EXD1: variants seen among roughly 807,000 people sequenced by gnomAD.
EXD1 encodes the protein exonuclease 3'-5' domain containing 1, also known as piRNA biogenesis protein EXD1.
In EXD1, 63 loss-of-function variants were observed where a neutral mutation model predicts 49.1. That is an observed-to-expected ratio of 1.28 (90% confidence interval 1.05 to 1.58). The LOEUF (loss-of-function observed/expected upper bound fraction) is 1.58. EXD1 is among the 40% of genes most tolerant of loss of function. EXD1 has a pLI of 0.00. For synonymous variants in EXD1, 234 were observed against 239.2 expected (o/e 0.98, Z 0.20); for missense variants, 748 against 666.0 (o/e 1.12, Z -1.36).
chr15:41,211,794 T>C (rs987053437), intron 6 of EXD1, among the ~76,000 whole-genome samples: 21 of 108,934 alleles, frequency 1.9e-4, no homozygotes. Context: ...ACCTCATTTC[T>C]TAAAAAAAAA....
chr15:41,190,502 GAA>G lies in EXD1; in HGVS notation c.865-376_865-375del, dbSNP rs2046496487. 8 of 283,626 alleles carry G rather than the reference GAA, an allele frequency of 2.8e-5. 1 individual carries two copies. In the South Asian group the frequency reaches 3.0e-4, roughly 11 times the overall value. 17.6% of individuals were successfully genotyped at this position (283,626 alleles called of 1,614,324 possible). Reference sequence around the variant, plus strand: ...CTCAAAAAAAGAAAAAAAAAGAAAAGAAAAGAACTGTTTAAAGTATTGCTTAA... The same window carrying G: ...CTCAAAAAAAGAAAAAAAAAGAAAAGAAGAACTGTTTAAAGTATTGCTTAA... On this transcript the variant is annotated intron_variant, in intron 10 of 11. Transcript: ENST00000458580.
At chr15:41,190,936 C>CA (rs1390403606) in intron 10 of EXD1, among the ~76,000 whole-genome samples, 78 of 151,862 alleles carry the variant, frequency 5.1e-4, no homozygotes, top group African/African-American at 1.8e-3. Flanking sequence ...TTTTTTGAGA[C>CA]AGAGTCTCAC....
At chr15:41,199,789 AATG>A (rs2046694811) in intron 7 of EXD1, among the ~76,000 whole-genome samples, 3 of 37,072 alleles carry the variant, frequency 8.1e-5, no homozygotes, top group Non-Finnish European at 1.6e-4. Flanking sequence ...TATATTATAT[AATG>A]TCATATATAT....
At chr15:41,226,373 T>A in intron 2 of EXD1, 70 bp downstream of exon 2, 1 of 1,428,842 alleles carries the variant, frequency 7.0e-7, no homozygotes, top group Non-Finnish European at 9.5e-7. Flanking sequence ...TCCCAATCAC[T>A]AATGGAGCCC....
chr15:41,199,717 A>AGATAT (rs2046681225), intron 7 of EXD1, among the ~76,000 whole-genome samples: 1 of 56,206 alleles, frequency 1.8e-5, no homozygotes. Flanking sequence ...CATATATATG[A>AGATAT]TATATTATAT....
At chr15:41,199,757 T>TATAGAATATATC (rs770690755) in intron 7 of EXD1, among the ~76,000 whole-genome samples, 1 of 87,240 alleles carries the variant, frequency 1.1e-5, no homozygotes, top group Non-Finnish European at 2.2e-5. Flanking sequence ...TTATATATGA[T>TATAGAATATATC]ACATATATGA....
At chr15:41,200,384 G>A (rs1217292590) in intron 7 of EXD1, among the ~76,000 whole-genome samples, 10 of 152,066 alleles carry the variant, frequency 6.6e-5, no homozygotes, top group Non-Finnish European at 1.0e-4. Flanking sequence ...TTAGTTGGGC[G>A]TGGTGGTGTG....
chr15:41,230,082 C>CTTT (rs1156382525), intron 1 of EXD1, among the ~76,000 whole-genome samples: 31 of 122,228 alleles, frequency 2.5e-4, no homozygotes, highest in African/African-American at 5.1e-4. Context: ...TGGCTTTTAC[C>CTTT]TTTTTTTTTT....
intron 1 of EXD1, 52 bp downstream of exon 1, chr15:41,230,427 C>A (rs377201668): frequency 6.3e-7 from 1 of 1,577,140 alleles, no homozygotes; most frequent in East Asian, 2.2e-5. Context: ...GAATAAAATG[C>A]AAAATTTCTC....
intron 11 of EXD1, 95 bp downstream of exon 11, chr15:41,189,842 T>C (rs1273532376): frequency 7.9e-7 from 1 of 1,272,054 alleles, no homozygotes; most frequent in Non-Finnish European, 1.1e-6. Context: ...GTTGACCCCA[T>C]GAAAACTATC....
At chr15:41,206,741 C>G (rs985253113) in intron 7 of EXD1, among the ~76,000 whole-genome samples, 1 of 148,236 alleles carries the variant, frequency 6.7e-6, no homozygotes, top group African/African-American at 2.5e-5. Context: ...CCTGCCTCAG[C>G]ACCATTAGTA....
At chr15:41,185,725 T>G (rs1353304971) in intron 11 of EXD1, among the ~76,000 whole-genome samples, 1 of 152,016 alleles carries the variant, frequency 6.6e-6, no homozygotes, top group Non-Finnish European at 1.5e-5. Flanking sequence ...TTCACTATGC[T>G]GGCCAGGCTG....
chr15:41,197,296 C>T (rs895704832), intron 7 of EXD1, among the ~76,000 whole-genome samples: 1 of 149,310 alleles, frequency 6.7e-6, no homozygotes, highest in Admixed American at 6.8e-5. Context: ...GGCACGATCT[C>T]GACTCACTGC....
intron 6 of EXD1, among the ~76,000 whole-genome samples, chr15:41,212,775 A>C (rs570374675): frequency 6.6e-6 from 1 of 152,326 alleles, no homozygotes; most frequent in Non-Finnish European, 1.5e-5. Flanking sequence ...GTGGTGGCTT[A>C]CACCTCTAAT....
At chr15:41,191,009 GC>G (rs1251616001) in intron 10 of EXD1, among the ~76,000 whole-genome samples, 4 of 151,936 alleles carry the variant, frequency 2.6e-5, no homozygotes, top group Admixed American at 1.3e-4. Flanking sequence ...CACCGCCCCT[GC>G]CCCCAACTCC....
At chr15:41,217,025 T>G (rs2140895062) in intron 4 of EXD1, 72 bp downstream of exon 4, 1 of 1,414,528 alleles carries the variant, frequency 7.1e-7, no homozygotes, top group Non-Finnish European at 9.8e-7. Context: ...GCTGGTGAAT[T>G]AGAGTTAAGG....
chr15:41,197,883 C>T (rs1437887789), intron 7 of EXD1, among the ~76,000 whole-genome samples: 1 of 151,978 alleles, frequency 6.6e-6, no homozygotes, highest in African/African-American at 2.4e-5. Flanking sequence ...ACGTTGGCCT[C>T]CCAAAGTGCT....
chr15:41,186,894 CTTT>C (rs374021562), intron 11 of EXD1, among the ~76,000 whole-genome samples: 1 of 127,102 alleles, frequency 7.9e-6, no homozygotes, highest in Admixed American at 8.1e-5. Flanking sequence ...TTTTTTTTTT[CTTT>C]TTTTTTTTTT....
At chr15:41,205,119 C>T (rs1415003291) in intron 7 of EXD1, among the ~76,000 whole-genome samples, 4 of 152,124 alleles carry the variant, frequency 2.6e-5, no homozygotes, top group Admixed American at 6.6e-5. Context: ...TTCTCATGTA[C>T]GCGTTAAATT....
Sources: gnomAD v4.1 joint callset for allele counts (sites outside exome capture counted in the v4.1 genomes callset) on GRCh38, gnomAD v4.1.1 for gene constraint, MANE v1.5 for transcripts, NCBI Gene and HGNC (gene_info 2026-07-23, HGNC 2026-07-21) for gene names.